The following NPFFR2 variants were observed in gnomAD, a reference collection of about 807,000 sequenced individuals.
The protein encoded by NPFFR2 is neuropeptide FF receptor 2, also known as G-protein coupled receptor 74.
In NPFFR2, 15 loss-of-function variants were observed where a neutral mutation model predicts 13.1. That is an observed-to-expected ratio of 1.15 (90% CI 0.77 to 1.76). NPFFR2 has a LOEUF of 1.76. Among genes scored for constraint, NPFFR2 ranks in the 40% most tolerant of loss-of-function variants. NPFFR2 has a pLI of 0.00. For synonymous variants in NPFFR2, 190 were observed against 175.7 expected (o/e 1.08, Z -0.65); for missense variants, 572 against 503.5 (o/e 1.14, Z -1.30).
intron 1 of NPFFR2, among the ~76,000 whole-genome samples, chr4:72,080,825 T>C (rs1467574296): frequency 6.8e-6 from 1 of 146,860 alleles, no homozygotes; most frequent in African/African-American, 2.7e-5. Context: ...CACTGACAAC[T>C]ACAGAGGCGC....
intron 1 of NPFFR2, among the ~76,000 whole-genome samples, chr4:72,063,240 T>C (rs1719970481): frequency 6.6e-6 from 1 of 152,210 alleles, no homozygotes; most frequent in Non-Finnish European, 1.5e-5. Context: ...ACCAAGGGTC[T>C]ATAAAACAAG....
intron 1 of NPFFR2, among the ~76,000 whole-genome samples, chr4:72,051,189 C>G (rs553815679): frequency 6.6e-6 from 1 of 151,792 alleles, no homozygotes; most frequent in Non-Finnish European, 1.5e-5. Context: ...AGTTGCCACA[C>G]TGACTTCCAC....
At position 72,128,844 on chromosome 4, in the gene NPFFR2, T is replaced by C. The variant is rs144971184; in HGVS notation, c.253T>C (p.Leu85=). The change falls in exon 2 of 4, where the codon TTA becomes CTA. Residue 85 remains leucine (L), a synonymous_variant. Coordinates refer to ENST00000308744, the MANE Select transcript of NPFFR2 (RefSeq NM_004885.3). ...HMHTVTNLFI[L]NLAISDLLVG... is the part of the protein sequence containing the mutation. ...GCACACAGTCACTAATCTCTTCATC[T>C]TAAACCTGGCCATAAGTGATTTACT... 165 of 1,613,944 alleles carry C rather than the reference T, an allele frequency of 1.0e-4. No individual in the cohort carries two copies. Among genetic ancestry groups the C allele is most frequent in the Non-Finnish European group, 1.3e-4 (159 of 1,179,934 alleles).
intron 2 of NPFFR2, among the ~76,000 whole-genome samples, chr4:72,136,732 C>G (rs754810436): frequency 3.9e-5 from 6 of 152,090 alleles, no homozygotes; most frequent in African/African-American, 1.2e-4. Flanking sequence ...TCATTACCCC[C>G]GCACCTGGTG....
chr4:72,112,336 T>A (rs949730222), intron 1 of NPFFR2, among the ~76,000 whole-genome samples: 1 of 152,068 alleles, frequency 6.6e-6, no homozygotes. Flanking sequence ...TCTTTCTCTC[T>A]CTTTTTACAC....
intron 2 of NPFFR2, among the ~76,000 whole-genome samples, chr4:72,134,399 T>A (rs1289614712): frequency 1.3e-5 from 2 of 152,198 alleles, no homozygotes; most frequent in Non-Finnish European, 2.9e-5. Context: ...ATATTTTTCC[T>A]TCAAACTCTC....
chr4:72,038,370 G>A (rs1463576761), intron 1 of NPFFR2, among the ~76,000 whole-genome samples: 1 of 152,072 alleles, frequency 6.6e-6, no homozygotes, highest in Non-Finnish European at 1.5e-5. Flanking sequence ...CATATTTATT[G>A]CTGGCCTTAG....
chr4:72,036,165 G>A, intron 1 of NPFFR2, among the ~76,000 whole-genome samples: 1 of 152,004 alleles, frequency 6.6e-6, no homozygotes, highest in African/African-American at 2.4e-5. Context: ...CTTTTCGGTG[G>A]ATAAAGAAAC....
At chr4:72,127,809 G>A (rs1486686237) in intron 1 of NPFFR2, among the ~76,000 whole-genome samples, 6 of 152,052 alleles carry the variant, frequency 3.9e-5, no homozygotes, top group Non-Finnish European at 8.8e-5. Context: ...GCCACGCACG[G>A]TGGCTCATGC....
intron 1 of NPFFR2, among the ~76,000 whole-genome samples, chr4:72,052,472 A>G (rs1476293472): frequency 6.6e-6 from 1 of 151,674 alleles, no homozygotes; most frequent in African/African-American, 2.4e-5. Flanking sequence ...CTCTCAATAA[A>G]TTAGGTATTG....
intron 1 of NPFFR2, among the ~76,000 whole-genome samples, chr4:72,118,007 G>A (rs1322144710): frequency 6.6e-6 from 1 of 151,970 alleles, no homozygotes; most frequent in African/African-American, 2.4e-5. Flanking sequence ...AGGAAGAAAG[G>A]AAAAAAGGAA....
chr4:72,138,747 C>T (rs1722501534), intron 3 of NPFFR2, among the ~76,000 whole-genome samples: 1 of 152,104 alleles, frequency 6.6e-6, no homozygotes, highest in African/African-American at 2.4e-5. Context: ...TTTATAGTAG[C>T]ATGCTTTATA....
intron 1 of NPFFR2, among the ~76,000 whole-genome samples, chr4:72,082,845 T>G (rs769432206): frequency 1.3e-5 from 2 of 152,026 alleles, no homozygotes; most frequent in South Asian, 4.1e-4. Context: ...TGGTAGCCCC[T>G]ATTTTCCAAT....
chr4:72,038,650 A>G (rs1459229451), intron 1 of NPFFR2, among the ~76,000 whole-genome samples: 2 of 152,152 alleles, frequency 1.3e-5, no homozygotes, highest in African/African-American at 4.8e-5. Context: ...TTCAGGTTGC[A>G]TAGTATCTGT....
chr4:72,044,535 A>G (rs1719323845), intron 1 of NPFFR2, among the ~76,000 whole-genome samples: 1 of 151,750 alleles, frequency 6.6e-6, no homozygotes, highest in South Asian at 2.1e-4. Context: ...GTTCCCTTTT[A>G]TCCACATTCT....
chr4:72,056,958 C>T (rs11726556), intron 1 of NPFFR2, among the ~76,000 whole-genome samples: 79,714 of 151,732 alleles, frequency 0.53, 23,749 homozygotes, highest in Non-Finnish European at 0.67. Flanking sequence ...TAGAGGGAAT[C>T]TACTACAGGT....
intron 2 of NPFFR2, among the ~76,000 whole-genome samples, chr4:72,134,218 C>A (rs530659596): frequency 1.3e-5 from 2 of 152,108 alleles, no homozygotes; most frequent in East Asian, 1.9e-4. Context: ...GAGCCGAGAT[C>A]GTGCCACTGC....
At chr4:72,066,588 T>A (rs1393832310) in intron 1 of NPFFR2, among the ~76,000 whole-genome samples, 1 of 151,124 alleles carries the variant, frequency 6.6e-6, no homozygotes, top group Non-Finnish European at 1.5e-5. Flanking sequence ...TTAAAAAAGT[T>A]ATGTGCTTCC....
intron 1 of NPFFR2, among the ~76,000 whole-genome samples, chr4:72,060,197 C>T (rs761226829): frequency 6.6e-6 from 1 of 152,082 alleles, no homozygotes; most frequent in Non-Finnish European, 1.5e-5. Context: ...TACTTCAATT[C>T]TTGAGTCAAT....
Sources: allele counts gnomAD v4.1 joint callset (sites outside exome capture counted in the v4.1 genomes callset), GRCh38; gene constraint gnomAD v4.1.1; transcripts MANE v1.5; gene names NCBI Gene and HGNC (gene_info 2026-07-23, HGNC 2026-07-21).